EPSTI1: variants seen among roughly 807,000 people sequenced by gnomAD.
EPSTI1 encodes epithelial-stromal interaction protein 1.
Under a neutral mutation model 49.9 loss-of-function variants are expected in EPSTI1, and 66 were observed. The ratio of observed to expected loss-of-function variants is 1.32; its 90% CI spans 1.08 to 1.62. The LOEUF (loss-of-function observed/expected upper bound fraction) is 1.62. Ranked by LOEUF, EPSTI1 falls within the 40% of genes most tolerant of loss-of-function variation. The pLI is 0.00. For missense variants in EPSTI1, 394 were observed against 365.5 expected (o/e 1.08, Z -0.64); for synonymous variants, 137 against 130.7 (o/e 1.05, Z -0.33).
rs190788287 is a variant in EPSTI1, at chr13:42,924,016, G to A, written c.657+2320C>T. On this transcript the variant is annotated intron_variant, in intron 7 of 10. Transcript: ENST00000313624. ...ATCACATAGTGTTCACATTCTATAA[G>A]TTGACCATAGCTAAAGTAAACTGCA... Among the ~76,000 whole-genome samples the A allele has an allele frequency of 5.6e-4, 85 of 152,258 alleles. 1 individual carries two copies. The East Asian group carries it at 0.015, about 27-fold the overall frequency.
Position 42,922,334 on chromosome 13 carries a change from G to C in EPSTI1, c.657+4002C>G, listed in dbSNP as rs1264815854. On this transcript the variant is annotated intron_variant, in intron 7 of 10. Coordinates refer to ENST00000313624, the MANE Select transcript of EPSTI1 (RefSeq NM_033255.5). The surrounding 1 kb of genome is among the most constrained non-coding windows in gnomAD (Gnocchi z 4.8). ...TGCAGAAATTAAGGATCTGGAAGTG[G>C]AGAGATTAGCCTGGATAGTCCAGGT... is the stretch of plus-strand genomic sequence containing the variant. 6.6e-6 allele frequency among the ~76,000 whole-genome samples: 1 copy of C among 152,152 alleles called. No homozygotes were observed. Among genetic ancestry groups the C allele is most frequent in the Non-Finnish European group, 1.5e-5 (1 of 68,008 alleles).
chr13:42,976,013 T>C (rs2039875094), intron 1 of EPSTI1, among the ~76,000 whole-genome samples: 1 of 152,234 alleles, frequency 6.6e-6, no homozygotes, highest in African/African-American at 2.4e-5. Flanking sequence ...CAGAAATTCA[T>C]ATTTTCAGAA....
chr13:42,933,405 G>A (rs929453708), intron 6 of EPSTI1, among the ~76,000 whole-genome samples: 11 of 147,236 alleles, frequency 7.5e-5, no homozygotes, highest in African/African-American at 2.7e-4. Flanking sequence ...ACAACCCCCC[G>A]AAATGGAACT....
intron 10 of EPSTI1, among the ~76,000 whole-genome samples, chr13:42,890,902 C>A (rs1157867466): frequency 3.3e-5 from 5 of 152,016 alleles, no homozygotes; most frequent in Non-Finnish European, 5.9e-5. Flanking sequence ...CTTTATGAGG[C>A]AAAGAAATTT....
chr13:42,917,481 C>A, intron 8 of EPSTI1, 60 bp downstream of exon 8: 1 of 1,388,392 alleles, frequency 7.2e-7, no homozygotes, highest in South Asian at 1.2e-5. Flanking sequence ...AGAAATTCTT[C>A]AAAATTATCT....
At chr13:42,890,791 CATCTGTG>C (rs1329631779) in intron 10 of EPSTI1, among the ~76,000 whole-genome samples, 27 of 151,872 alleles carry the variant, frequency 1.8e-4, no homozygotes, top group Admixed American at 2.6e-4. Flanking sequence ...ATAATTGTAT[CATCTGTG>C]ATTTATAAAG....
At chr13:42,970,249 T>C (rs1475108680) in intron 2 of EPSTI1, 1 of 163,320 alleles carries the variant, frequency 6.1e-6, no homozygotes, top group Non-Finnish European at 1.3e-5. Flanking sequence ...GCAGCATTTA[T>C]ATTTACTGTA....
At chr13:42,980,822 A>G (rs2039974516) in intron 1 of EPSTI1, among the ~76,000 whole-genome samples, 1 of 152,176 alleles carries the variant, frequency 6.6e-6, no homozygotes, top group South Asian at 2.1e-4. Flanking sequence ...GGACTTTCAC[A>G]TTCTGTATTA....
chr13:42,951,927 C>G lies in EPSTI1; in HGVS notation c.563+2021G>C, dbSNP rs146800695. Among the ~76,000 whole-genome samples, 591 of 152,312 alleles carry G rather than the reference C, an allele frequency of 3.9e-3. 1 individual carries two copies. The highest frequency in any genetic ancestry group is 0.013 in the African/African-American group (554 of 41,578). ...CCAGGTGGGGACTTGGAGAACTTTTCTGTCTTACAAGAGGATTGTAAAATG... is the reference window on the plus strand; with the variant it reads ...CCAGGTGGGGACTTGGAGAACTTTTGTGTCTTACAAGAGGATTGTAAAATG... On this transcript the variant is annotated intron_variant, in intron 6 of 10. Transcript: ENST00000313624.
chr13:42,985,805 C>G (rs943168583), intron 1 of EPSTI1, among the ~76,000 whole-genome samples: 2 of 152,192 alleles, frequency 1.3e-5, no homozygotes. Flanking sequence ...TGGTCCACTT[C>G]CTTGTAGCTG....
rs756077364 is a variant in EPSTI1 at position 42,954,052 on chromosome 13, T to C, written c.490-31A>G. Reference sequence around the variant, plus strand: ...ATTGCAAATATCAAAACATAACTTATTAAAGATGCTTTAAGCAGAGTCATG... The same window carrying C: ...ATTGCAAATATCAAAACATAACTTACTAAAGATGCTTTAAGCAGAGTCATG... On this transcript the variant is annotated intron_variant, in intron 5 of 10. Coordinates refer to ENST00000313624, the MANE Select transcript of EPSTI1 (RefSeq NM_033255.5). 1.1e-5 allele frequency: 17 copies of C among 1,575,098 alleles called. No individual in the cohort carries two copies. In the East Asian group the frequency reaches 1.6e-4, roughly 15 times the overall value.
At position 42,954,001 on chromosome 13, in the gene EPSTI1, T is replaced by C. The variant is rs760058507; in HGVS notation, c.510A>G (p.Lys170=). 7.4e-6 allele frequency: 12 copies of C among 1,612,564 alleles called. No individual in the cohort carries two copies. The highest frequency in any genetic ancestry group is 1.7e-4 in the Middle Eastern group (1 of 6,054). ...TTCTAAGGTTTTCTTGAAGTCTTTTTTTCTCCTCCAGTTTATTGCTCTGAA... is the reference window on the plus strand; with the variant it reads ...TTCTAAGGTTTTCTTGAAGTCTTTTCTTCTCCTCCAGTTTATTGCTCTGAA... ...QREKSNKLEE[K]KRLQENLRRE... is the part of the protein sequence containing the mutation. The change falls in exon 6 of 11, where the codon AAA becomes AAG. Residue 170 remains lysine (K), a synonymous_variant. Coordinates refer to ENST00000313624, the MANE Select transcript of EPSTI1 (RefSeq NM_033255.5).
At position 42,888,132 on chromosome 13, in the gene EPSTI1, TA is replaced by T; in HGVS notation, c.*361del. On this transcript the variant is annotated 3_prime_UTR_variant, in exon 11 of 11. Coordinates refer to ENST00000313624, the MANE Select transcript of EPSTI1 (RefSeq NM_033255.5). ...TTCAAAACCTGATCTGAGAATTAGA[TA>T]AGAATATGTCACTTAGAAAGACAAG... is the stretch of plus-strand genomic sequence containing the variant. The T allele has an allele frequency of 8.2e-7, 1 of 1,224,022 alleles. No individual in the cohort carries two copies. The highest frequency in any genetic ancestry group is 1.1e-6 in the Non-Finnish European group (1 of 881,644). 75.8% of individuals were successfully genotyped at this position (1,224,022 alleles called of 1,614,324 possible).
intron 6 of EPSTI1, among the ~76,000 whole-genome samples, chr13:42,942,395 A>T (rs931032741): frequency 1.3e-5 from 2 of 152,088 alleles, no homozygotes; most frequent in African/African-American, 4.8e-5. Context: ...GTAAAGGCAG[A>T]AATTGACGAT....
intron 6 of EPSTI1, among the ~76,000 whole-genome samples, chr13:42,947,421 CCTT>C (rs1395552448): frequency 1.3e-5 from 2 of 152,236 alleles, no homozygotes; most frequent in East Asian, 3.9e-4. Context: ...TAGCATGGAG[CCTT>C]CTTCTCCTCC....
At chr13:42,975,958 A>T (rs1360015852) in intron 1 of EPSTI1, among the ~76,000 whole-genome samples, 2 of 152,244 alleles carry the variant, frequency 1.3e-5, no homozygotes, top group Non-Finnish European at 2.9e-5. Context: ...TGGTAGGTAT[A>T]CTTACAAAAT....
intron 6 of EPSTI1, among the ~76,000 whole-genome samples, chr13:42,927,189 T>A (rs771331501): frequency 1.1e-4 from 16 of 152,170 alleles, no homozygotes; most frequent in Non-Finnish European, 2.2e-4. Flanking sequence ...AAGTTCTCTG[T>A]TTTTACCTTA....
chr13:42,987,250 G>A (rs1161818871), intron 1 of EPSTI1, among the ~76,000 whole-genome samples: 1 of 151,910 alleles, frequency 6.6e-6, no homozygotes, highest in Non-Finnish European at 1.5e-5. Flanking sequence ...TAATTTGTGG[G>A]GTCCACACTA....
intron 6 of EPSTI1, among the ~76,000 whole-genome samples, chr13:42,937,962 A>G (rs1051349162): frequency 1.3e-5 from 2 of 152,200 alleles, no homozygotes; most frequent in African/African-American, 4.8e-5. Context: ...AGATGTGAAC[A>G]TCAGATTTAT....
Sources: allele counts gnomAD v4.1 joint callset (sites outside exome capture counted in the v4.1 genomes callset), GRCh38; gene constraint gnomAD v4.1.1; non-coding constraint Gnocchi (gnomAD v3.1); transcripts MANE v1.5; gene names NCBI Gene and HGNC (gene_info 2026-07-23, HGNC 2026-07-21).